The following DISP1 variants were observed in gnomAD, a reference collection of about 807,000 sequenced individuals.
DISP1 encodes the protein dispatched RND transporter family member 1.
DISP1 carries 30 observed loss-of-function variants against 37.3 expected under a neutral mutation model. The ratio of observed to expected loss-of-function variants is 0.80; its 90% CI spans 0.60 to 1.09. DISP1 has a LOEUF of 1.09. Ranked by LOEUF, DISP1 falls within the 50% of genes least tolerant of loss-of-function variation. The probability of loss-of-function intolerance (pLI) is 0.00; values close to 1 mark genes in which losing one functional copy is unlikely to be tolerated. For synonymous variants in DISP1, 634 were observed against 690.2 expected, an observed-to-expected ratio of 0.92 and a Z score of 1.28; for missense variants, 1,598 against 1,879.5, an observed-to-expected ratio of 0.85 and a Z score of 2.77.
intron 1 of DISP1, among the ~76,000 whole-genome samples, chr1:222,919,427 T>C (rs1306849316): frequency 2.0e-5 from 3 of 152,212 alleles, no homozygotes; most frequent in African/African-American, 7.2e-5. Flanking sequence ...GACCAATCGT[T>C]ATCTGCTCCT....
At chr1:222,906,393 C>T (rs1274528203) in intron 1 of DISP1, among the ~76,000 whole-genome samples, 1 of 152,216 alleles carries the variant, frequency 6.6e-6, no homozygotes, top group Admixed American at 6.5e-5. Context: ...ACCAGAGCAA[C>T]TCCATCTTAA....
At chr1:222,859,568 A>T (rs556946861) in intron 1 of DISP1, among the ~76,000 whole-genome samples, 1 of 152,262 alleles carries the variant, frequency 6.6e-6, no homozygotes, top group African/African-American at 2.4e-5. Context: ...GATACTTTAG[A>T]TGGGATCATT....
intron 1 of DISP1, among the ~76,000 whole-genome samples, chr1:222,897,450 T>C (rs368496916): frequency 9.2e-5 from 14 of 152,348 alleles, no homozygotes; most frequent in African/African-American, 3.1e-4. Flanking sequence ...GTGTTTAAAA[T>C]TTGTACATTT....
chr1:222,919,969 C>T (rs1479496315), intron 1 of DISP1, among the ~76,000 whole-genome samples: 1 of 152,126 alleles, frequency 6.6e-6, no homozygotes, highest in Non-Finnish European at 1.5e-5. Context: ...CTAAGTTATA[C>T]TTAATCTAAG....
intron 1 of DISP1, among the ~76,000 whole-genome samples, chr1:222,874,129 T>C (rs1669790199): frequency 6.6e-6 from 1 of 152,264 alleles, no homozygotes; most frequent in Non-Finnish European, 1.5e-5. Context: ...TTGTAGAGTT[T>C]CTGCCAAGAG....
chr1:222,909,447 CTT>C (rs1672090575), intron 1 of DISP1, among the ~76,000 whole-genome samples: 1 of 152,146 alleles, frequency 6.6e-6, no homozygotes, highest in African/African-American at 2.4e-5. Flanking sequence ...TGTTATTTCT[CTT>C]GTTATTCAGG....
At chr1:222,833,869 A>G (rs1019580037) in intron 1 of DISP1, among the ~76,000 whole-genome samples, 1 of 152,216 alleles carries the variant, frequency 6.6e-6, no homozygotes, top group African/African-American at 2.4e-5. Context: ...ATTAGTAAAG[A>G]GGGAATAGTC....
At chr1:222,855,496 G>A (rs1276499819) in intron 1 of DISP1, among the ~76,000 whole-genome samples, 1 of 152,134 alleles carries the variant, frequency 6.6e-6, no homozygotes, top group African/African-American at 2.4e-5. Flanking sequence ...CCAATAATGA[G>A]CCTTAACCTT....
At chr1:222,982,975 G>C (rs1289531227) in intron 3 of DISP1, 105 bp from the exon 4 acceptor site, 4 of 834,776 alleles carry the variant, frequency 4.8e-6, no homozygotes, top group Non-Finnish European at 7.8e-6. Context: ...CTTTGTAAGA[G>C]ATAACAAGTA....
intron 1 of DISP1, among the ~76,000 whole-genome samples, chr1:222,873,279 G>T (rs1239862149): frequency 2.6e-5 from 4 of 152,174 alleles, no homozygotes; most frequent in African/African-American, 9.7e-5. Flanking sequence ...TTCTGTAGAG[G>T]TTTATTAGGT....
In DISP1 at chr1:222,937,842, C is replaced by T. The variant is rs78675957; in HGVS notation, c.-17-4965C>T. Among the ~76,000 whole-genome samples the T allele has an allele frequency of 8.6e-3, 1,221 of 142,642 alleles. 18 individuals are homozygous for T. The highest frequency in any genetic ancestry group is 0.031 in the African/African-American group (1,169 of 38,314). The allele number at this position is 142,642 out of a possible 152,430, so 93.6% of individuals were successfully genotyped here. On this transcript the variant is annotated intron_variant, in intron 2 of 8. Transcript: ENST00000675850. Reference sequence around the variant, plus strand: ...TTGCATTCCCCTGTGTTTTATGGCCCTGGGAGAACAGGTGATTTCAACAAT... The same window carrying T: ...TTGCATTCCCCTGTGTTTTATGGCCTTGGGAGAACAGGTGATTTCAACAAT...
chr1:222,956,242 T>G (rs925048442), intron 3 of DISP1, among the ~76,000 whole-genome samples: 10 of 152,158 alleles, frequency 6.6e-5, no homozygotes, highest in African/African-American at 2.4e-4. Flanking sequence ...AGTTTCCCTT[T>G]GATGGATGGA....
intron 3 of DISP1, among the ~76,000 whole-genome samples, chr1:222,972,930 A>G (rs902525733): frequency 2.6e-5 from 4 of 152,124 alleles, no homozygotes; most frequent in Non-Finnish European, 4.4e-5. Flanking sequence ...GGGGTTGGAA[A>G]TCTCTAGTTT....
chr1:222,936,642 G>A (rs1251724206), intron 2 of DISP1, among the ~76,000 whole-genome samples: 24 of 95,050 alleles, frequency 2.5e-4, no homozygotes, highest in African/African-American at 9.7e-4. Context: ...ATATATATGA[G>A]ATATATATAT....
intron 1 of DISP1, among the ~76,000 whole-genome samples, chr1:222,861,759 T>A (rs952263140): frequency 6.6e-6 from 1 of 152,174 alleles, no homozygotes; most frequent in African/African-American, 2.4e-5. Context: ...TAAAGCAAGT[T>A]ATACTTTTTT....
chr1:222,900,781 T>A (rs1237899121), intron 1 of DISP1, among the ~76,000 whole-genome samples: 1 of 152,208 alleles, frequency 6.6e-6, no homozygotes, highest in Non-Finnish European at 1.5e-5. Flanking sequence ...TCCATAAAGT[T>A]AGCTATTATT....
intron 3 of DISP1, chr1:222,943,685 A>G (rs1674550217): frequency 3.2e-6 from 1 of 311,402 alleles, no homozygotes; most frequent in South Asian, 3.6e-5. Flanking sequence ...AACAGCAGTC[A>G]TTTATTTGCT....
At position 222,963,270 on chromosome 1, in the gene DISP1, A is replaced by G. The variant is rs371575951; in HGVS notation, c.510-19810A>G. The stretch of plus-strand genomic sequence containing the variant: ...ATGGAGATTATTAAAAAGTCATGAA[A>G]CAATAGATGCTGGCGAGGCTGTGGA... On this transcript the variant is annotated intron_variant, in intron 3 of 8. Transcript: ENST00000675850. Among the ~76,000 whole-genome samples, 97 of 152,338 alleles carry G rather than the reference A, an allele frequency of 6.4e-4. 1 individual carries two copies. Among genetic ancestry groups the G allele is most frequent in the African/African-American group, 2.2e-3 (93 of 41,578 alleles).
chr1:222,877,246 G>A (rs780758440), intron 1 of DISP1, among the ~76,000 whole-genome samples: 4 of 152,160 alleles, frequency 2.6e-5, no homozygotes, highest in Non-Finnish European at 4.4e-5. Context: ...AGATATACCC[G>A]AGAGTGGGAA....
Sources: gnomAD v4.1 joint callset for allele counts (sites outside exome capture counted in the v4.1 genomes callset) on GRCh38, gnomAD v4.1.1 for gene constraint, MANE v1.5 for transcripts, NCBI Gene and HGNC (gene_info 2026-07-23, HGNC 2026-07-21) for gene names.